Variants in HCN1 observed in about 807,000 individuals in gnomAD.
The protein encoded by HCN1 is hyperpolarization activated cyclic nucleotide gated potassium channel 1, also known as potassium/sodium hyperpolarization-activated cyclic nucleotide-gated channel 1.
Under a neutral mutation model 78.9 loss-of-function variants are expected in HCN1, and 13 were observed. The observed-to-expected ratio is 0.16, with a 90% confidence interval of 0.11 to 0.26. The LOEUF (loss-of-function observed/expected upper bound fraction) is 0.26. HCN1 is among the 10% of genes least tolerant of loss of function. HCN1 has a pLI of 1.00. For synonymous variants in HCN1, 552 were observed against 455.5 expected, an observed-to-expected ratio of 1.21 and a Z score of -2.70; for missense variants, 810 against 1,154.3, an observed-to-expected ratio of 0.70 and a Z score of 4.32.
chr5:45,446,950 C>A (rs1224318465), intron 3 of HCN1, among the ~76,000 whole-genome samples: 1 of 151,956 alleles, frequency 6.6e-6, no homozygotes, highest in Non-Finnish European at 1.5e-5. Flanking sequence ...AATGTAAAGA[C>A]CATCGAGACT....
chr5:45,464,875 TAGTC>T (rs1024574860), intron 2 of HCN1, among the ~76,000 whole-genome samples: 14 of 152,144 alleles, frequency 9.2e-5, no homozygotes, highest in Admixed American at 2.6e-4. Context: ...CATCTGTAGA[TAGTC>T]AGGTTAACCA....
chr5:45,557,192 CT>C (rs939266046), intron 2 of HCN1, among the ~76,000 whole-genome samples: 3 of 151,670 alleles, frequency 2.0e-5, no homozygotes, highest in African/African-American at 4.8e-5. Context: ...AATTTGAAAA[CT>C]TTTTTTTTAA....
intron 3 of HCN1, among the ~76,000 whole-genome samples, chr5:45,428,833 C>T (rs570996753): frequency 6.6e-6 from 1 of 151,596 alleles, no homozygotes; most frequent in Non-Finnish European, 1.5e-5. Flanking sequence ...GATTAAAAAG[C>T]TAAATAAAAT....
chr5:45,533,876 G>T (rs1166339439), intron 2 of HCN1, among the ~76,000 whole-genome samples: 2 of 152,152 alleles, frequency 1.3e-5, no homozygotes, highest in Admixed American at 1.3e-4. Context: ...TGACAATAGG[G>T]TCATTAGTGG....
At chr5:45,373,337 A>C (rs1232066495) in intron 4 of HCN1, among the ~76,000 whole-genome samples, 1 of 118,336 alleles carries the variant, frequency 8.5e-6, no homozygotes, top group South Asian at 2.4e-4. Flanking sequence ...TCATATATTT[A>C]ATATATAAAA....
intron 4 of HCN1, among the ~76,000 whole-genome samples, chr5:45,358,659 C>A (rs1307121049): frequency 6.6e-6 from 1 of 152,070 alleles, no homozygotes; most frequent in Non-Finnish European, 1.5e-5. Context: ...AAAAATATTT[C>A]ACCCCAAATA....
At chr5:45,456,351 T>C (rs948521095) in intron 3 of HCN1, among the ~76,000 whole-genome samples, 1 of 152,002 alleles carries the variant, frequency 6.6e-6, no homozygotes. Context: ...TTTTAAAAAA[T>C]GCTGATAATT....
chr5:45,330,031 G>GA (rs1371557530), intron 5 of HCN1, among the ~76,000 whole-genome samples: 4 of 150,986 alleles, frequency 2.6e-5, no homozygotes, highest in Admixed American at 6.6e-5. Flanking sequence ...TTAGGTTTAC[G>GA]AAAAAAATGC....
At chr5:45,342,394 T>C (rs1266998928) in intron 5 of HCN1, among the ~76,000 whole-genome samples, 1 of 134,864 alleles carries the variant, frequency 7.4e-6, no homozygotes, top group African/African-American at 3.4e-5. Context: ...TACACCTGGC[T>C]ATTTTTTTTT....
intron 2 of HCN1, among the ~76,000 whole-genome samples, chr5:45,471,745 T>A (rs1038683644): frequency 2.0e-5 from 3 of 151,988 alleles, no homozygotes; most frequent in Non-Finnish European, 4.4e-5. Flanking sequence ...ATTAACTGCA[T>A]GTTTGAGCTT....
chr5:45,278,656 A>T (rs562666933), intron 6 of HCN1, among the ~76,000 whole-genome samples: 31 of 152,290 alleles, frequency 2.0e-4, no homozygotes, highest in Non-Finnish European at 3.8e-4. Context: ...ATCCACATGA[A>T]TAATTAGTTA....
At chr5:45,456,406 A>G (rs1741030836) in intron 3 of HCN1, among the ~76,000 whole-genome samples, 2 of 152,030 alleles carry the variant, frequency 1.3e-5, no homozygotes, top group African/African-American at 4.8e-5. Flanking sequence ...ACACATGCAG[A>G]GTTGGTATAG....
At position 45,285,490 on chromosome 5, in the gene HCN1, C is replaced by T. The variant is rs185655872; in HGVS notation, c.1618+18109G>A. On this transcript the variant is annotated intron_variant, in intron 6 of 7. Transcript: ENST00000303230. ...GAGGTCCTATAGACTTAGACACTTT[C>T]GAAGCAATAAATCTCATTTGGATTT... Among the ~76,000 whole-genome samples, 121 of 151,918 alleles carry T rather than the reference C, an allele frequency of 8.0e-4. 1 individual carries two copies. The East Asian group carries it at 0.011, about 13-fold the overall frequency.
chr5:45,337,417 CTT>C (rs1746484877), intron 5 of HCN1, among the ~76,000 whole-genome samples: 1 of 152,052 alleles, frequency 6.6e-6, no homozygotes, highest in Non-Finnish European at 1.5e-5. Flanking sequence ...GGACAGAAGA[CTT>C]TGTTTTGAGC....
intron 3 of HCN1, among the ~76,000 whole-genome samples, chr5:45,431,431 A>G (rs1458028657): frequency 1.3e-5 from 2 of 152,168 alleles, no homozygotes; most frequent in South Asian, 4.1e-4. Flanking sequence ...GAAACTCTTG[A>G]GCTTAATTAG....
At chr5:45,610,086 T>A (rs1744804268) in intron 2 of HCN1, among the ~76,000 whole-genome samples, 1 of 152,104 alleles carries the variant, frequency 6.6e-6, no homozygotes, top group African/African-American at 2.4e-5. Context: ...ACTGAGAGGA[T>A]AAGGTTTGTG....
At chr5:45,566,157 T>C (rs1265574513) in intron 2 of HCN1, among the ~76,000 whole-genome samples, 1 of 152,202 alleles carries the variant, frequency 6.6e-6, no homozygotes, top group Admixed American at 6.5e-5. Context: ...TCTCTCCTAA[T>C]CTGAGATTCT....
intron 3 of HCN1, among the ~76,000 whole-genome samples, chr5:45,424,400 A>G (rs1231208538): frequency 6.6e-6 from 1 of 152,146 alleles, no homozygotes; most frequent in Non-Finnish European, 1.5e-5. Context: ...CCTCTCTTTT[A>G]AAAACACACC....
Position 45,375,946 on chromosome 5 carries a change from ATATAT to A in HCN1, c.1230+20541_1230+20545del, listed in dbSNP as rs1351691863. 3.3e-4 allele frequency among the ~76,000 whole-genome samples: 39 copies of A among 119,380 alleles called. No homozygotes were observed. In the South Asian group the frequency reaches 3.4e-3, roughly 10 times the overall value. 78.3% of individuals were successfully genotyped at this position (119,380 alleles called of 152,430 possible). ...TATATATGATATAATATTTTATCAC[ATATAT>A]TATATATGATAAAATATTTTATCAC... On this transcript the variant is annotated intron_variant, in intron 4 of 7. Transcript: ENST00000303230.
Sources: gnomAD v4.1 joint callset for allele counts (sites outside exome capture counted in the v4.1 genomes callset) on GRCh38, gnomAD v4.1.1 for gene constraint, MANE v1.5 for transcripts, NCBI Gene and HGNC (gene_info 2026-07-23, HGNC 2026-07-21) for gene names.